The following CNTNAP2 variants were observed in gnomAD, a reference collection of about 807,000 sequenced individuals.
CNTNAP2 encodes contactin-associated protein-like 2.
In CNTNAP2, 98 loss-of-function variants were observed where a neutral mutation model predicts 155.2. The ratio of observed to expected loss-of-function variants is 0.63; its 90% CI spans 0.54 to 0.75. CNTNAP2 has a LOEUF of 0.75. Ranked by LOEUF, CNTNAP2 falls within the 30% of genes least tolerant of loss-of-function variation. The probability of loss-of-function intolerance (pLI) is 0.00; values close to 1 mark genes in which losing one functional copy is unlikely to be tolerated. For synonymous variants in CNTNAP2, 651 were observed against 631.2 expected, an observed-to-expected ratio of 1.03 and a Z score of -0.47; for missense variants, 1,727 against 1,688.1, an observed-to-expected ratio of 1.02 and a Z score of -0.40.
At chr7:147,365,383 G>GAAAAAAAAAAAAAAAAAAAAA (rs10557373) in intron 9 of CNTNAP2, among the ~76,000 whole-genome samples, 1 of 93,638 alleles carries the variant, frequency 1.1e-5, no homozygotes, top group Non-Finnish European at 2.0e-5. Context: ...ATCTCAAAAA[G>GAAAAAAAAAAAAAAAAAAAAA]AAAAAAAAAA....
At chr7:147,151,241 G>A (rs12670106) in intron 8 of CNTNAP2, among the ~76,000 whole-genome samples, 54,210 of 151,940 alleles carry the variant, frequency 0.36, 10,511 homozygotes, top group East Asian at 0.56. Flanking sequence ...AGTACCCTAG[G>A]CTAGTGAAAA....
chr7:148,099,450 T>TGTGTG (rs1804049683), intron 15 of CNTNAP2, among the ~76,000 whole-genome samples: 1 of 144,798 alleles, frequency 6.9e-6, no homozygotes, highest in African/African-American at 2.5e-5. Flanking sequence ...TGTGTGTGTG[T>TGTGTG]GTGTGTGTGT....
intron 15 of CNTNAP2, among the ~76,000 whole-genome samples, chr7:148,013,770 T>C (rs1304362004): frequency 6.6e-6 from 1 of 152,114 alleles, no homozygotes; most frequent in African/African-American, 2.4e-5. Context: ...GTGCCTGATG[T>C]GGACAGCAAA....
intron 1 of CNTNAP2, among the ~76,000 whole-genome samples, chr7:146,494,105 C>T (rs190947411): frequency 0.011 from 1,622 of 152,142 alleles, 13 homozygotes; most frequent in African/African-American, 0.019. Context: ...GAGGCCGAGG[C>T]GGGCGGATCA....
At chr7:148,164,636 T>TC in intron 17 of CNTNAP2, among the ~76,000 whole-genome samples, 1 of 140,830 alleles carries the variant, frequency 7.1e-6, no homozygotes, top group African/African-American at 2.8e-5. Context: ...TTTTTTTTTT[T>TC]TTGAGACGGA....
chr7:148,119,894 T>C (rs933716494), intron 16 of CNTNAP2, among the ~76,000 whole-genome samples: 8 of 152,096 alleles, frequency 5.3e-5, no homozygotes, highest in Non-Finnish European at 1.2e-4. Context: ...AGGCTAAGGC[T>C]ATCCTGGTCC....
At chr7:147,618,281 G>A (rs1361320820) in intron 12 of CNTNAP2, among the ~76,000 whole-genome samples, 2 of 152,110 alleles carry the variant, frequency 1.3e-5, no homozygotes, top group Non-Finnish European at 2.9e-5. Context: ...AGACCATAAG[G>A]CAGCTAAGGA....
At chr7:147,108,517 CA>C (rs936172366) in intron 5 of CNTNAP2, among the ~76,000 whole-genome samples, 167 bp downstream of exon 5, 1 of 152,036 alleles carries the variant, frequency 6.6e-6, no homozygotes, top group African/African-American at 2.4e-5. Context: ...CCTAGTCATT[CA>C]AAAAATATTT....
chr7:148,207,102 G>A (rs1461287633), intron 18 of CNTNAP2, among the ~76,000 whole-genome samples: 1 of 152,224 alleles, frequency 6.6e-6, no homozygotes, highest in African/African-American at 2.4e-5. Context: ...TCATCAGCAT[G>A]AGCCTCACAT....
intron 3 of CNTNAP2, among the ~76,000 whole-genome samples, chr7:146,878,886 T>C (rs1273893257): frequency 6.6e-6 from 1 of 152,188 alleles, no homozygotes; most frequent in Non-Finnish European, 1.5e-5. Context: ...CTAGTATCTC[T>C]CTAACCCCTT....
At chr7:148,222,166 TC>T (rs1283942512) in intron 19 of CNTNAP2, among the ~76,000 whole-genome samples, 1 of 152,198 alleles carries the variant, frequency 6.6e-6, no homozygotes, top group African/African-American at 2.4e-5. Flanking sequence ...TTCCAGATTC[TC>T]CCCCTCACCC....
rs1800375591 is a variant in CNTNAP2, at chr7:147,925,293, CACACACACACACA to C, written c.2255+21573_2255+21585del. Among the ~76,000 whole-genome samples, 11 of 9,672 alleles carry C rather than the reference CACACACACACACA, an allele frequency of 1.1e-3. No homozygotes were observed. In the South Asian group the frequency reaches 0.013, roughly 11 times the overall value. The allele number at this position is 9,672 out of a possible 152,430, so 6.3% of individuals were successfully genotyped here. A position where few individuals can be genotyped will look rare whatever the true frequency, so the allele number is the denominator to read the frequency against. ...AGACAAACACACACAAGCGCGCGCG[CACACACACACACA>C]CACACACACACACACACACACACAC... On this transcript the variant is annotated intron_variant, in intron 14 of 23. Transcript: ENST00000361727.
intron 8 of CNTNAP2, among the ~76,000 whole-genome samples, chr7:147,235,735 G>A (rs888379651): frequency 4.6e-5 from 7 of 152,040 alleles, no homozygotes; most frequent in African/African-American, 1.2e-4. Flanking sequence ...CTATCATTTC[G>A]TGAGTGTCTT....
intron 1 of CNTNAP2, among the ~76,000 whole-genome samples, chr7:146,464,442 T>A (rs1796687262): frequency 6.6e-6 from 1 of 152,114 alleles, no homozygotes; most frequent in Admixed American, 6.6e-5. Context: ...AGAAAACCTC[T>A]TATTTGTTAA....
rs368579584 is a variant in CNTNAP2 at position 147,802,100 on chromosome 7, G to A, written c.2099-101465G>A. On this transcript the variant is annotated intron_variant, in intron 13 of 23. Coordinates refer to ENST00000361727, the MANE Select transcript of CNTNAP2 (RefSeq NM_014141.6). ...CGGAGGGTCTCCTCACTTCTCAGAC[G>A]GGGCGGCCGGGCAGAGACGCTCCTC... Among the ~76,000 whole-genome samples, 130 of 150,108 alleles carry A rather than the reference G, an allele frequency of 8.7e-4. 2 individuals carry two copies. The East Asian group carries it at 0.016, about 18-fold the overall frequency.
intron 8 of CNTNAP2, among the ~76,000 whole-genome samples, chr7:147,142,012 T>C (rs1801607840): frequency 6.6e-6 from 1 of 152,188 alleles, no homozygotes; most frequent in Admixed American, 6.5e-5. Context: ...AATCATGTCA[T>C]CTGCGAACAG....
chr7:147,141,585 A>C (rs1252874914), intron 8 of CNTNAP2, among the ~76,000 whole-genome samples: 1 of 152,126 alleles, frequency 6.6e-6, no homozygotes, highest in African/African-American at 2.4e-5. Context: ...TGAGTAACTC[A>C]CCAGGGCCCC....
chr7:147,005,607 A>C (rs1277058451), intron 3 of CNTNAP2, among the ~76,000 whole-genome samples: 1 of 152,078 alleles, frequency 6.6e-6, no homozygotes, highest in Non-Finnish European at 1.5e-5. Flanking sequence ...GATATGGGCC[A>C]GGGTGCAGTG....
In CNTNAP2 at chr7:147,095,016, AT is replaced by A. The variant is rs570018835; in HGVS notation, c.551-13123del. Among the ~76,000 whole-genome samples the A allele has an allele frequency of 1.5e-4, 22 of 150,166 alleles. 1 individual carries two copies. Among genetic ancestry groups the A allele is most frequent in the Admixed American group, 3.3e-4 (5 of 15,078 alleles). On this transcript the variant is annotated intron_variant, in intron 4 of 23. Transcript: ENST00000361727. ...CAACGCATCTTTCTGGGGCAACTTT[AT>A]TTTTTTTGTTTTTGTTTTTAGAGAC...
Sources: allele counts gnomAD v4.1 joint callset (sites outside exome capture counted in the v4.1 genomes callset), GRCh38; gene constraint gnomAD v4.1.1; transcripts MANE v1.5; gene names NCBI Gene and HGNC (gene_info 2026-07-23, HGNC 2026-07-21).